Variants in BZW2 observed in about 807,000 individuals in gnomAD.
BZW2 encodes the protein eIF5-mimic protein 1.
In BZW2, 23 loss-of-function variants were observed where a neutral mutation model predicts 53.2. The observed-to-expected ratio is 0.43, with a 90% CI of 0.31 to 0.61. BZW2 has a LOEUF of 0.61. Ranked by LOEUF, BZW2 falls within the 20% of genes least tolerant of loss-of-function variation. BZW2 has a pLI of 0.09. For synonymous variants in BZW2, 227 were observed against 186.4 expected (o/e 1.22, Z -1.77); for missense variants, 409 against 503.1 (o/e 0.81, Z 1.79).
intron 8 of BZW2, among the ~76,000 whole-genome samples, chr7:16,696,512 T>C (rs1202244213): frequency 2.0e-5 from 3 of 151,096 alleles, no homozygotes; most frequent in Non-Finnish European, 1.5e-5. Flanking sequence ...CCCAAGATGG[T>C]ATCCATCAAG....
At chr7:16,661,357 TG>T (rs1782254669) in intron 1 of BZW2, 5 of 151,978 alleles carry the variant, frequency 3.3e-5, no homozygotes, top group Admixed American at 3.3e-4. Context: ...CCACTTAAGG[TG>T]GGCTGGGTAA....
chr7:16,695,274 C>T (rs1486331662), intron 8 of BZW2, among the ~76,000 whole-genome samples: 1 of 152,204 alleles, frequency 6.6e-6, no homozygotes, highest in East Asian at 1.9e-4. Flanking sequence ...CAAAATATTT[C>T]ATCTGTCAAA....
Position 16,667,279 on chromosome 7 carries a change from CAA to C in BZW2, c.58+1790_58+1791del, listed in dbSNP as rs748681228. On this transcript the variant is annotated intron_variant, in intron 2 of 11. Coordinates refer to ENST00000258761, the MANE Select transcript of BZW2 (RefSeq NM_014038.3). ...CTGGGCAACGAGTGAAGCTCCATCT[CAA>C]AAAAAAAAAAACAAAAAAAAAAACG... Among the ~76,000 whole-genome samples, 43 of 60,306 alleles carry C rather than the reference CAA, an allele frequency of 7.1e-4. No individual in the cohort carries two copies. The East Asian group carries it at 0.018, about 26-fold the overall frequency. 39.6% of individuals were successfully genotyped at this position (60,306 alleles called of 152,430 possible). A position where few individuals can be genotyped will look rare whatever the true frequency, so the allele number is the denominator to read the frequency against.
chr7:16,681,250 C>G (rs1210270070), intron 3 of BZW2, 51 bp from the exon 4 acceptor site: 1 of 1,383,380 alleles, frequency 7.2e-7, no homozygotes, highest in African/African-American at 1.4e-5. Flanking sequence ...TCTGCAAATG[C>G]TGTTCTCAAT....
Position 16,665,516 on chromosome 7 carries a change from T to A in BZW2, c.58+15T>A. On this transcript the variant is annotated intron_variant, in intron 2 of 11. Transcript: ENST00000258761. ...TCGGAAAAGGGGTAGGTTGTGTGTG[T>A]GTGTGTGTGTGTGTTTAAAGTTGTA... 1 of 1,612,550 alleles carries A rather than the reference T, an allele frequency of 6.2e-7. No individual in the cohort carries two copies. Among genetic ancestry groups the A allele is most frequent in the Non-Finnish European group, 8.5e-7 (1 of 1,178,876 alleles).
chr7:16,653,198 G>A (rs777518508), intron 1 of BZW2, among the ~76,000 whole-genome samples: 2 of 152,078 alleles, frequency 1.3e-5, no homozygotes, highest in African/African-American at 4.8e-5. Flanking sequence ...GCTTCCTGAA[G>A]GTCCACTATT....
intron 8 of BZW2, chr7:16,695,990 A>C (rs1427259093): frequency 1.3e-5 from 2 of 152,238 alleles, no homozygotes; most frequent in South Asian, 2.1e-4. Flanking sequence ...AGGATGTCAC[A>C]CTTTTATGTG....
chr7:16,659,729 G>C (rs1335150116), intron 1 of BZW2, among the ~76,000 whole-genome samples: 1 of 152,126 alleles, frequency 6.6e-6, no homozygotes, highest in African/African-American at 2.4e-5. Flanking sequence ...AGTACTTCAT[G>C]AGAACACTGC....
At chr7:16,681,727 G>T (rs1048691449) in intron 4 of BZW2, among the ~76,000 whole-genome samples, 1 of 152,160 alleles carries the variant, frequency 6.6e-6, no homozygotes. Flanking sequence ...AGCTACTTGG[G>T]AGGCTGAGGC....
intron 1 of BZW2, among the ~76,000 whole-genome samples, chr7:16,654,412 A>G (rs375254112): frequency 1.6e-3 from 248 of 152,222 alleles, no homozygotes; most frequent in East Asian, 5.4e-3. Flanking sequence ...ATCAAGTTAT[A>G]TAACTCCAAG....
In BZW2 at chr7:16,659,747, T is replaced by A. The variant is rs186330925; in HGVS notation, c.-7-5690T>A. Among the ~76,000 whole-genome samples the A allele has an allele frequency of 2.4e-3, 364 of 152,298 alleles. 3 individuals carry two copies. The highest frequency in any genetic ancestry group is 4.0e-3 in the Non-Finnish European group (269 of 68,030). ...ACTTCATGAGAACACTGCAGTGAAGTGTCTCAATTTTATTGAGTTTTGTGT... is the reference window on the plus strand; with the variant it reads ...ACTTCATGAGAACACTGCAGTGAAGAGTCTCAATTTTATTGAGTTTTGTGT... On this transcript the variant is annotated intron_variant, in intron 1 of 11. Coordinates refer to ENST00000258761, the MANE Select transcript of BZW2 (RefSeq NM_014038.3).
chr7:16,667,017 TC>T (rs1450367170), intron 2 of BZW2, among the ~76,000 whole-genome samples: 1 of 151,494 alleles, frequency 6.6e-6, no homozygotes, highest in Non-Finnish European at 1.5e-5. Context: ...GCGTGGTGGC[TC>T]ATGCCTGTAA....
chr7:16,697,988 C>T (rs1783552643), intron 9 of BZW2, 60 bp from the exon 10 acceptor site: 12 of 1,591,598 alleles, frequency 7.5e-6, no homozygotes, highest in Non-Finnish European at 1.0e-5. Context: ...ATAGTTCCAG[C>T]AGTGTCGGCT....
At chr7:16,682,623 A>G (rs1291908589) in intron 4 of BZW2, among the ~76,000 whole-genome samples, 157 bp from the exon 5 acceptor site, 2 of 152,124 alleles carry the variant, frequency 1.3e-5, no homozygotes, top group Non-Finnish European at 2.9e-5. Context: ...TCATGATAGC[A>G]TCTTTGAAAT....
At chr7:16,674,760 A>G (rs1221242910) in intron 3 of BZW2, among the ~76,000 whole-genome samples, 172 bp downstream of exon 3, 1 of 152,216 alleles carries the variant, frequency 6.6e-6, no homozygotes, top group Non-Finnish European at 1.5e-5. Context: ...ATTAATGCAG[A>G]TGTGAAATGA....
intron 10 of BZW2, among the ~76,000 whole-genome samples, chr7:16,701,758 G>A (rs1265966420): frequency 6.6e-6 from 1 of 152,052 alleles, no homozygotes; most frequent in East Asian, 1.9e-4. Context: ...ATACTATAGG[G>A]CAGGTCTTTC....
At chr7:16,668,895 T>G (rs925346905) in intron 2 of BZW2, among the ~76,000 whole-genome samples, 2 of 152,244 alleles carry the variant, frequency 1.3e-5, no homozygotes, top group Non-Finnish European at 2.9e-5. Flanking sequence ...GTAATTATGT[T>G]TTTTCCTGTG....
At chr7:16,679,089 T>C (rs1391103424) in intron 3 of BZW2, among the ~76,000 whole-genome samples, 2 of 152,146 alleles carry the variant, frequency 1.3e-5, no homozygotes, top group Non-Finnish European at 2.9e-5. Context: ...CAGACACAAC[T>C]GGTCTGACTA....
chr7:16,664,593 C>T (rs995901739), intron 1 of BZW2, among the ~76,000 whole-genome samples: 1 of 152,138 alleles, frequency 6.6e-6, no homozygotes, highest in South Asian at 2.1e-4. Context: ...ATACATATAC[C>T]GTCAGAAAGG....
Sources: allele counts gnomAD v4.1 joint callset (sites outside exome capture counted in the v4.1 genomes callset), GRCh38; gene constraint gnomAD v4.1.1; transcripts MANE v1.5; gene names NCBI Gene and HGNC (gene_info 2026-07-23, HGNC 2026-07-21).